Variants in CDH18 observed in about 807,000 individuals in gnomAD.
The protein encoded by CDH18 is cadherin-18.
Under a neutral mutation model 67.9 loss-of-function variants are expected in CDH18, and 31 were observed. The ratio of observed to expected loss-of-function variants is 0.46; its 90% CI spans 0.34 to 0.62. The LOEUF is 0.62. CDH18 is among the 20% of genes least tolerant of loss of function. The probability of loss-of-function intolerance (pLI) is 0.01; values close to 1 mark genes in which losing one functional copy is unlikely to be tolerated. For synonymous variants in CDH18, 362 were observed against 347.2 expected (o/e 1.04, Z -0.48); for missense variants, 890 against 975.5 (o/e 0.91, Z 1.17).
intron 2 of CDH18, among the ~76,000 whole-genome samples, chr5:20,044,352 T>C (rs1740722415): frequency 6.6e-6 from 1 of 151,616 alleles, no homozygotes; most frequent in African/African-American, 2.4e-5. Flanking sequence ...TTGGAGAAGG[T>C]TTTTTATTAT....
At chr5:19,999,238 G>A (rs113394540) in intron 2 of CDH18, among the ~76,000 whole-genome samples, 39 of 149,816 alleles carry the variant, frequency 2.6e-4, no homozygotes, top group Middle Eastern at 3.4e-3. Flanking sequence ...ACACACACAC[G>A]CACACACACT....
At chr5:20,316,537 T>G (rs991355066) in intron 1 of CDH18, among the ~76,000 whole-genome samples, 1 of 152,080 alleles carries the variant, frequency 6.6e-6, no homozygotes, top group African/African-American at 2.4e-5. Context: ...GCAGTGCTAT[T>G]CGGAATAGAA....
intron 3 of CDH18, among the ~76,000 whole-genome samples, chr5:19,772,013 T>C (rs1384454538): frequency 6.6e-6 from 1 of 152,168 alleles, no homozygotes; most frequent in Non-Finnish European, 1.5e-5. Flanking sequence ...TACTAATGAA[T>C]GTGCAAATTA....
intron 1 of CDH18, among the ~76,000 whole-genome samples, chr5:20,309,027 A>G (rs1245583131): frequency 6.6e-6 from 1 of 152,228 alleles, no homozygotes; most frequent in African/African-American, 2.4e-5. Flanking sequence ...TAAATGTTAA[A>G]CCAAATAGTG....
At chr5:20,188,125 G>A (rs915596271) in intron 2 of CDH18, among the ~76,000 whole-genome samples, 4 of 151,744 alleles carry the variant, frequency 2.6e-5, no homozygotes, top group Non-Finnish European at 4.4e-5. Context: ...CACGTATTAT[G>A]CCTTAACTTT....
At chr5:19,979,610 G>A (rs1367450529) in intron 2 of CDH18, among the ~76,000 whole-genome samples, 1 of 152,094 alleles carries the variant, frequency 6.6e-6, no homozygotes, top group Non-Finnish European at 1.5e-5. Flanking sequence ...AGTACTAAAT[G>A]AGAGTTTATG....
At chr5:20,514,609 T>A (rs193145378) in intron 1 of CDH18, among the ~76,000 whole-genome samples, 2 of 152,236 alleles carry the variant, frequency 1.3e-5, no homozygotes, top group African/African-American at 4.8e-5. Context: ...GGGTTGCATG[T>A]GTGTCTGGGT....
intron 4 of CDH18, among the ~76,000 whole-genome samples, chr5:19,735,374 T>C (rs2150664906): frequency 6.6e-6 from 1 of 150,988 alleles, no homozygotes; most frequent in East Asian, 2.0e-4. Context: ...TCTCTTTTTG[T>C]TCAATGTATT....
intron 1 of CDH18, among the ~76,000 whole-genome samples, chr5:20,509,791 A>G (rs768227924): frequency 3.3e-5 from 5 of 152,118 alleles, no homozygotes; most frequent in Non-Finnish European, 5.9e-5. Context: ...CCAATCATCT[A>G]TGGAAGGACA....
intron 1 of CDH18, among the ~76,000 whole-genome samples, chr5:20,289,808 T>C (rs1419502602): frequency 1.3e-5 from 2 of 151,944 alleles, no homozygotes; most frequent in Non-Finnish European, 2.9e-5. Flanking sequence ...TTAATACATA[T>C]CTGTCAATAG....
At chr5:20,494,472 A>G (rs2126405000) in intron 1 of CDH18, among the ~76,000 whole-genome samples, 1 of 152,306 alleles carries the variant, frequency 6.6e-6, no homozygotes, top group South Asian at 2.1e-4. Flanking sequence ...TTTCAAGATG[A>G]CAATATACAT....
At position 19,746,939 on chromosome 5, in the gene CDH18, T is replaced by C; in HGVS notation, c.523+3A>G. On this transcript the variant is annotated splice_donor_region_variant and intron_variant, in intron 4 of 12. Transcript: ENST00000382275. The stretch of plus-strand genomic sequence containing the variant: ...GCATAATCACAAAAATGATTTTTCT[T>C]ACCCATATCTGACATTTCAGGCACA... 6.2e-7 allele frequency: 1 copy of C among 1,608,490 alleles called. No homozygotes were observed. The highest frequency in any genetic ancestry group is 1.1e-5 in the South Asian group (1 of 90,674).
chr5:19,941,599 T>C (rs541606970), intron 2 of CDH18, among the ~76,000 whole-genome samples: 6 of 151,746 alleles, frequency 4.0e-5, no homozygotes, highest in South Asian at 2.1e-4. Context: ...CTAGGCAACA[T>C]AGCGAGACCC....
At chr5:20,324,052 C>T (rs1422235389) in intron 1 of CDH18, among the ~76,000 whole-genome samples, 5 of 152,136 alleles carry the variant, frequency 3.3e-5, no homozygotes, top group Admixed American at 1.3e-4. Context: ...CAAAGTTCAA[C>T]GGTTTTAAGA....
intron 1 of CDH18, among the ~76,000 whole-genome samples, chr5:20,285,880 G>A (rs1746661482): frequency 6.6e-6 from 1 of 151,506 alleles, no homozygotes; most frequent in Non-Finnish European, 1.5e-5. Flanking sequence ...GGGAGTTTTT[G>A]TTCTACTTTT....
chr5:19,606,745 G>A (rs1580458309), intron 6 of CDH18, among the ~76,000 whole-genome samples: 2 of 151,864 alleles, frequency 1.3e-5, no homozygotes, highest in East Asian at 3.9e-4. Flanking sequence ...TAGAAAAGAA[G>A]TGAGAAAATG....
At chr5:20,103,213 CT>C (rs1746625671) in intron 2 of CDH18, among the ~76,000 whole-genome samples, 1 of 152,148 alleles carries the variant, frequency 6.6e-6, no homozygotes, top group Non-Finnish European at 1.5e-5. Flanking sequence ...ATATGTCTAT[CT>C]TTTGATTCTT....
At chr5:20,563,041 C>T (rs1339318915) in intron 1 of CDH18, among the ~76,000 whole-genome samples, 1 of 150,232 alleles carries the variant, frequency 6.7e-6, no homozygotes, top group East Asian at 1.9e-4. Context: ...CATTTTTTTC[C>T]ATAACACATG....
chr5:20,152,662 A>T (rs1751216483), intron 2 of CDH18, among the ~76,000 whole-genome samples: 1 of 152,080 alleles, frequency 6.6e-6, no homozygotes, highest in Non-Finnish European at 1.5e-5. Context: ...ATTCTTATTA[A>T]ATTAAATTAA....
Sources: allele counts gnomAD v4.1 joint callset (sites outside exome capture counted in the v4.1 genomes callset), GRCh38; gene constraint gnomAD v4.1.1; transcripts MANE v1.5; gene names NCBI Gene and HGNC (gene_info 2026-07-23, HGNC 2026-07-21).